Variants in DIPK1A observed in about 807,000 individuals in gnomAD.
DIPK1A encodes divergent protein kinase domain 1A.
DIPK1A carries 27 observed loss-of-function variants against 40.8 expected under a neutral mutation model. The ratio of observed to expected loss-of-function variants is 0.66; its 90% CI spans 0.49 to 0.91. The LOEUF (loss-of-function observed/expected upper bound fraction) is 0.91, where lower values mean the gene tolerates loss of function less well. DIPK1A is among the 40% of genes least tolerant of loss of function. DIPK1A has a pLI of 0.00. For missense variants in DIPK1A, 412 were observed against 505.7 expected (o/e 0.81, Z 1.78); for synonymous variants, 166 against 171.3 (o/e 0.97, Z 0.24).
intron 2 of DIPK1A, among the ~76,000 whole-genome samples, chr1:92,860,647 T>C: frequency 2.9e-4 from 1 of 3,398 alleles, no homozygotes; most frequent in South Asian, 0.02. Context: ...AAAAAAAAAA[T>C]GGTGGTGTGC....
chr1:92,874,741 G>A (rs1339216080), intron 2 of DIPK1A, among the ~76,000 whole-genome samples: 1 of 152,152 alleles, frequency 6.6e-6, no homozygotes, highest in Admixed American at 6.6e-5. Flanking sequence ...TCTTCTGTCA[G>A]TCTTTTCTGA....
At chr1:92,860,646 A>AAAAAAAAAAAAGCAAGGTG (rs148916481) in intron 2 of DIPK1A, among the ~76,000 whole-genome samples, 1 of 105,212 alleles carries the variant, frequency 9.5e-6, no homozygotes, top group African/African-American at 3.7e-5. Flanking sequence ...AAAAAAAAAA[A>AAAAAAAAAAAAGCAAGGTG]TGGTGGTGTG....
intron 2 of DIPK1A, among the ~76,000 whole-genome samples, chr1:92,864,999 G>A (rs551090802): frequency 1.4e-4 from 18 of 124,974 alleles, no homozygotes; most frequent in South Asian, 7.7e-4. Context: ...CTGAGATTGC[G>A]CCACTGCACT....
intron 1 of DIPK1A, among the ~76,000 whole-genome samples, chr1:92,896,181 G>GA (rs893403937): frequency 5.3e-5 from 8 of 152,158 alleles, no homozygotes; most frequent in Admixed American, 6.5e-5. Context: ...AACCAAAAAA[G>GA]AGCCCGCATT....
At chr1:92,918,598 G>A (rs765678938) in intron 1 of DIPK1A, among the ~76,000 whole-genome samples, 6 of 152,012 alleles carry the variant, frequency 3.9e-5, no homozygotes, top group South Asian at 4.2e-4. Context: ...TTCTAATTAC[G>A]CACTCTCCTA....
chr1:92,868,673 G>A (rs1422438861), intron 2 of DIPK1A, among the ~76,000 whole-genome samples: 1 of 151,870 alleles, frequency 6.6e-6, no homozygotes, highest in Non-Finnish European at 1.5e-5. Flanking sequence ...CAATAAGAAC[G>A]TAAGCTCCTT....
chr1:92,931,802 T>G, intron 1 of DIPK1A: 1 of 164,832 alleles, frequency 6.1e-6, no homozygotes, highest in Non-Finnish European at 1.3e-5. Context: ...GCATGCAAAC[T>G]TACAGAAAAG....
intron 1 of DIPK1A, among the ~76,000 whole-genome samples, chr1:92,907,757 T>C (rs866860120): frequency 1.4e-4 from 21 of 152,288 alleles, no homozygotes; most frequent in Middle Eastern, 6.8e-3. Context: ...TGTATCTTAA[T>C]AGGGATGAGG....
intron 1 of DIPK1A, among the ~76,000 whole-genome samples, chr1:92,907,915 G>A (rs1649686557): frequency 6.6e-6 from 1 of 152,022 alleles, no homozygotes; most frequent in South Asian, 2.1e-4. Flanking sequence ...CACCCAGGCT[G>A]GAGTTCAGTG....
rs149718693 is a variant in DIPK1A, at chr1:92,948,642, AAT to A, written c.54+12732_54+12733del. 7.6e-3 allele frequency among the ~76,000 whole-genome samples: 567 copies of A among 74,638 alleles called. 4 individuals carry two copies. Among genetic ancestry groups the A allele is most frequent in the African/African-American group, 0.02 (462 of 23,058 alleles). The allele number at this position is 74,638 out of a possible 152,430, so 49.0% of individuals were successfully genotyped here. On this transcript the variant is annotated intron_variant, in intron 1 of 4. Transcript: ENST00000370310. ...ATTTATTTTATATTTTTTTGTATTT[AAT>A]ATATATACGTATATATACATATGTG...
intron 1 of DIPK1A, among the ~76,000 whole-genome samples, chr1:92,955,697 CA>C (rs551282522): frequency 3.4e-3 from 158 of 46,610 alleles, no homozygotes; most frequent in Admixed American, 6.5e-3. Context: ...GACTCTGTCT[CA>C]AAAAAAAAAA....
rs189875581 is a variant in DIPK1A at position 92,930,487 on chromosome 1, C to T, written c.54+30889G>A. ...AGCATTTCTATGTATTTGCAGAAGA[C>T]AAAAAGAGGAATCTTCTCATATTAA... is the stretch of plus-strand genomic sequence containing the variant. On this transcript the variant is annotated intron_variant, in intron 1 of 4. Coordinates refer to ENST00000370310, the MANE Select transcript of DIPK1A (RefSeq NM_001006605.5). Among the ~76,000 whole-genome samples, 67 of 152,174 alleles carry T rather than the reference C, an allele frequency of 4.4e-4. 1 individual carries two copies. The highest frequency in any genetic ancestry group is 6.5e-5 in the Admixed American group (1 of 15,278).
chr1:92,957,777 A>G (rs1461551010), intron 1 of DIPK1A, among the ~76,000 whole-genome samples: 1 of 152,252 alleles, frequency 6.6e-6, no homozygotes, highest in Admixed American at 6.5e-5. Flanking sequence ...CATTTAAAGC[A>G]TAACGTTCAG....
At chr1:92,926,344 G>C (rs868848848) in intron 1 of DIPK1A, among the ~76,000 whole-genome samples, 6 of 152,034 alleles carry the variant, frequency 3.9e-5, no homozygotes, top group Non-Finnish European at 8.8e-5. Context: ...TTACTGACTT[G>C]TATTTTAATT....
chr1:92,879,445 C>T (rs1267968166), intron 1 of DIPK1A, among the ~76,000 whole-genome samples: 1 of 152,100 alleles, frequency 6.6e-6, no homozygotes, highest in Non-Finnish European at 1.5e-5. Context: ...TGGAGAAAAA[C>T]CCTATGAACT....
chr1:92,911,886 C>T (rs1168191465), intron 1 of DIPK1A, among the ~76,000 whole-genome samples: 2 of 151,402 alleles, frequency 1.3e-5, no homozygotes. Context: ...TGCCTGTAAT[C>T]CCAGCTACTT....
intron 4 of DIPK1A, chr1:92,833,332 T>G (rs1370328095): frequency 7.3e-7 from 1 of 1,369,130 alleles, no homozygotes; most frequent in Non-Finnish European, 1.0e-6. Flanking sequence ...TTAATTTATG[T>G]CAAAAGTATC....
intron 1 of DIPK1A, among the ~76,000 whole-genome samples, chr1:92,902,368 T>C (rs1557477634): frequency 6.6e-6 from 1 of 152,074 alleles, no homozygotes; most frequent in Non-Finnish European, 1.5e-5. Flanking sequence ...GTGTGGCCAC[T>C]GGGCTGGGGT....
chr1:92,914,961 A>C (rs533765796), intron 1 of DIPK1A, among the ~76,000 whole-genome samples: 26 of 151,330 alleles, frequency 1.7e-4, no homozygotes, highest in Non-Finnish European at 3.2e-4. Flanking sequence ...GGTGGTGCAC[A>C]CCTATAATCC....
Sources: gnomAD v4.1 joint callset for allele counts (sites outside exome capture counted in the v4.1 genomes callset) on GRCh38, gnomAD v4.1.1 for gene constraint, MANE v1.5 for transcripts, NCBI Gene and HGNC (gene_info 2026-07-23, HGNC 2026-07-21) for gene names.